The following ARHGAP1 variants were observed in gnomAD, a reference collection of about 807,000 sequenced individuals.
ARHGAP1 encodes the protein rho GTPase-activating protein 1.
ARHGAP1 carries 23 observed loss-of-function variants against 52.2 expected under a neutral mutation model. The observed-to-expected ratio is 0.44, with a 90% CI of 0.32 to 0.62. The LOEUF is 0.62. ARHGAP1 is among the 20% of genes least tolerant of loss of function. ARHGAP1 has a pLI of 0.05. For synonymous variants in ARHGAP1, 210 were observed against 228.4 expected (o/e 0.92, Z 0.73); for missense variants, 480 against 560.9 (o/e 0.86, Z 1.46).
rs2134497944 is a variant in ARHGAP1, at chr11:46,696,441, C to G, written c.-49-285G>C. On this transcript the variant is annotated intron_variant, in intron 1 of 12. Coordinates refer to ENST00000311956, the MANE Select transcript of ARHGAP1 (RefSeq NM_004308.5). The surrounding 1 kb of genome is among the most constrained non-coding windows in gnomAD (Gnocchi z 4.8). The stretch of plus-strand genomic sequence containing the variant: ...GGGAAGAGCTGTGCCAGGTCCTGTG[C>G]CGCCCGCCACCCAGCTGGCTCAGTG... 6.6e-6 allele frequency among the ~76,000 whole-genome samples: 1 copy of G among 152,184 alleles called. No individual in the cohort carries two copies. The highest frequency in any genetic ancestry group is 1.9e-4 in the East Asian group (1 of 5,190).
chr11:46,694,225 GT>G (rs1302090671), intron 3 of ARHGAP1, among the ~76,000 whole-genome samples: 1 of 152,052 alleles, frequency 6.6e-6, no homozygotes, highest in Non-Finnish European at 1.5e-5. Flanking sequence ...GCCTGGGTGT[GT>G]CCCCACACAG....
chr11:46,695,931 C>T (rs745880301), intron 2 of ARHGAP1, 44 bp downstream of exon 2: 2 of 1,613,624 alleles, frequency 1.2e-6, no homozygotes, highest in Non-Finnish European at 1.7e-6. Context: ...AGTGCTTCCC[C>T]CTCTAAAGCG....
At chr11:46,688,133 T>A in intron 4 of ARHGAP1, 40 bp downstream of exon 4, 1 of 1,585,168 alleles carries the variant, frequency 6.3e-7, no homozygotes, top group Non-Finnish European at 8.6e-7. Flanking sequence ...ACAATGGGGA[T>A]CTGGGCAAAG....
chr11:46,692,054 C>T (rs2064618836), intron 3 of ARHGAP1, among the ~76,000 whole-genome samples: 1 of 152,182 alleles, frequency 6.6e-6, no homozygotes, highest in Non-Finnish European at 1.5e-5. Flanking sequence ...TTTTGAAGGA[C>T]CAGGTGGTAC....
intron 1 of ARHGAP1, among the ~76,000 whole-genome samples, chr11:46,698,653 A>C (rs1287400399): frequency 6.6e-6 from 1 of 151,080 alleles, no homozygotes; most frequent in East Asian, 1.9e-4. Context: ...GTGGATGTGA[A>C]GGAGGGAGAA....
Position 46,696,870 on chromosome 11 carries a change from A to C in ARHGAP1, c.-49-714T>G, listed in dbSNP as rs923172433. On this transcript the variant is annotated intron_variant, in intron 1 of 12. Transcript: ENST00000311956. The surrounding 1 kb of genome is among the most constrained non-coding windows in gnomAD (Gnocchi z 4.8). ...AGGCGACAGGGCAAGACTCCATCCCAAAAAAATAAAAATAAAAAAATAAAA... is the reference window on the plus strand; with the variant it reads ...AGGCGACAGGGCAAGACTCCATCCCCAAAAAATAAAAATAAAAAAATAAAA... 2.6e-5 allele frequency among the ~76,000 whole-genome samples: 4 copies of C among 152,166 alleles called. No individual in the cohort carries two copies. Among genetic ancestry groups the C allele is most frequent in the African/African-American group, 7.2e-5 (3 of 41,442 alleles).
At chr11:46,686,186 ATGT>A (rs2064567150) in intron 4 of ARHGAP1, among the ~76,000 whole-genome samples, 1 of 150,834 alleles carries the variant, frequency 6.6e-6, no homozygotes, top group Admixed American at 6.6e-5. Context: ...AGACAGGGTC[ATGT>A]TGGTCAGGCT....
rs748681686 is a variant in ARHGAP1 at position 46,680,983 on chromosome 11, G to A, written c.635+28C>T. 19 of 1,600,992 alleles carry A rather than the reference G, an allele frequency of 1.2e-5. 1 individual carries two copies. The East Asian group carries it at 1.3e-4, about 11-fold the overall frequency. ...CACGTCCTCATTACCCTGGCTTCACGAGCCCCCAGCCGCCGCACCCGCCTC... is the reference window on the plus strand; with the variant it reads ...CACGTCCTCATTACCCTGGCTTCACAAGCCCCCAGCCGCCGCACCCGCCTC... On this transcript the variant is annotated intron_variant, in intron 7 of 12. Coordinates refer to ENST00000311956, the MANE Select transcript of ARHGAP1 (RefSeq NM_004308.5). This position sits in a 1 kb window ranked among gnomAD's most constrained non-coding sequence, Gnocchi z 5.9.
In ARHGAP1 at chr11:46,680,142, AG is replaced by A; in HGVS notation, c.898+62del. The A allele has an allele frequency of 6.6e-7, 1 of 1,507,630 alleles. No individual in the cohort carries two copies. The highest frequency in any genetic ancestry group is 9.2e-7 in the Non-Finnish European group (1 of 1,083,966). The allele number at this position is 1,507,630 out of a possible 1,614,324, so 93.4% of individuals were successfully genotyped here. A position where few individuals can be genotyped will look rare whatever the true frequency, so the allele number is the denominator to read the frequency against. ...GAGACTCTCATTTACAGGGCAGCAG[AG>A]GGCAGAGAAGCCCCCTACCAGTAAC... On this transcript the variant is annotated intron_variant, in intron 10 of 12. Transcript: ENST00000311956. The surrounding 1 kb of genome is among the most constrained non-coding windows in gnomAD (Gnocchi z 5.9).
chr11:46,677,402 T>A lies in ARHGAP1; in HGVS notation c.*1635A>T, dbSNP rs1308137286. 6.5e-6 allele frequency: 1 copy of A among 152,786 alleles called. No individual in the cohort carries two copies. The highest frequency in any genetic ancestry group is 1.5e-5 in the Non-Finnish European group (1 of 68,368). 9.5% of individuals were successfully genotyped at this position (152,786 alleles called of 1,614,324 possible). ...GGGGCTGGATGCACTGCTGATGGTCTTGGGAGAGCCCAGCGAAGTTATGCC... is the reference window on the plus strand; with the variant it reads ...GGGGCTGGATGCACTGCTGATGGTCATGGGAGAGCCCAGCGAAGTTATGCC... On this transcript the variant is annotated 3_prime_UTR_variant, in exon 13 of 13. Coordinates refer to ENST00000311956, the MANE Select transcript of ARHGAP1 (RefSeq NM_004308.5).
In ARHGAP1 at chr11:46,679,013, G is replaced by A; in HGVS notation, c.*24C>T. On this transcript the variant is annotated 3_prime_UTR_variant, in exon 13 of 13. Coordinates refer to ENST00000311956, the MANE Select transcript of ARHGAP1 (RefSeq NM_004308.5). The surrounding 1 kb of genome is among the most constrained non-coding windows in gnomAD (Gnocchi z 4.4). ...GTCCAAACCCGGGCTACCAGAGAAG[G>A]GGCTGGTGGGGCAGGGGCCAGGTTC... 1 of 1,612,748 alleles carries A rather than the reference G, an allele frequency of 6.2e-7. No individual in the cohort carries two copies. Among genetic ancestry groups the A allele is most frequent in the Non-Finnish European group, 8.5e-7 (1 of 1,179,038 alleles).
intron 3 of ARHGAP1, among the ~76,000 whole-genome samples, chr11:46,693,655 T>A (rs2134494331): frequency 6.6e-6 from 1 of 152,188 alleles, no homozygotes; most frequent in South Asian, 2.1e-4. Context: ...CTGGAGTTAA[T>A]CACCAACAGG....
In ARHGAP1 at chr11:46,697,077, T is replaced by C. The variant is rs1176989493; in HGVS notation, c.-49-921A>G. On this transcript the variant is annotated intron_variant, in intron 1 of 12. Coordinates refer to ENST00000311956, the MANE Select transcript of ARHGAP1 (RefSeq NM_004308.5). ...GTGGAAAGGTTGACGGCCCTAAGGA[T>C]TGGAGGGCGCAGATGGGAAAGGGGG... The C allele has an allele frequency of 2.6e-5, 4 of 152,102 alleles. No individual in the cohort carries two copies. In the East Asian group the frequency reaches 5.8e-4, roughly 22 times the overall value. 9.4% of individuals were successfully genotyped at this position (152,102 alleles called of 1,614,324 possible).
chr11:46,686,385 T>G (rs1423690334), intron 4 of ARHGAP1, among the ~76,000 whole-genome samples: 1 of 152,202 alleles, frequency 6.6e-6, no homozygotes, highest in African/African-American at 2.4e-5. Flanking sequence ...AGAGCTGAAG[T>G]TGAATGTGTC....
Position 46,681,018 on chromosome 11 carries a change from C to G in ARHGAP1, c.628G>C (p.Val210Leu). The G allele has an allele frequency of 6.2e-7, 1 of 1,614,072 alleles. No homozygotes were observed. The highest frequency in any genetic ancestry group is 8.5e-7 in the Non-Finnish European group (1 of 1,179,984). The change falls in exon 7 of 13, where the codon GTG (valine) becomes CTG (leucine). Residue 210 changes from valine to leucine, a missense_variant. Val to Leu is a conservative substitution (Grantham distance 32). Coordinates refer to ENST00000311956, the MANE Select transcript of ARHGAP1 (RefSeq NM_004308.5). This position sits in a 1 kb window ranked among gnomAD's most constrained non-coding sequence, Gnocchi z 5.7. ...CCGCCGCACCCGCCTCACTTGAGCA[C>G]TTGGCGAGGGATCCCCAGCTGCTCC... ...KLEQLGIPRQ[V>L]LKYDDFLKST... is the part of the protein sequence containing the mutation.
Position 46,679,015 on chromosome 11 carries a change from G to T in ARHGAP1, c.*22C>A. Reference sequence around the variant, plus strand: ...CCAAACCCGGGCTACCAGAGAAGGGGCTGGTGGGGCAGGGGCCAGGTTCAG... The same window carrying T: ...CCAAACCCGGGCTACCAGAGAAGGGTCTGGTGGGGCAGGGGCCAGGTTCAG... On this transcript the variant is annotated 3_prime_UTR_variant, in exon 13 of 13. Coordinates refer to ENST00000311956, the MANE Select transcript of ARHGAP1 (RefSeq NM_004308.5). The surrounding 1 kb of genome is among the most constrained non-coding windows in gnomAD (Gnocchi z 4.4). The T allele has an allele frequency of 1.2e-6, 2 of 1,613,058 alleles. No individual in the cohort carries two copies. Among genetic ancestry groups the T allele is most frequent in the Non-Finnish European group, 8.5e-7 (1 of 1,179,238 alleles).
At chr11:46,683,404 G>A (rs1373219170) in intron 4 of ARHGAP1, among the ~76,000 whole-genome samples, 3 of 152,016 alleles carry the variant, frequency 2.0e-5, no homozygotes, top group South Asian at 2.1e-4. Context: ...CTCCAGTGCC[G>A]GCGGTAAAAC....
Position 46,681,921 on chromosome 11 carries a change from A to G in ARHGAP1, c.449+130T>C, listed in dbSNP as rs2134479557. The G allele has an allele frequency of 7.7e-7, 1 of 1,302,186 alleles. No homozygotes were observed. Among genetic ancestry groups the G allele is most frequent in the Non-Finnish European group, 1.1e-6 (1 of 951,188 alleles). The allele number at this position is 1,302,186 out of a possible 1,614,324, so 80.7% of individuals were successfully genotyped here. On this transcript the variant is annotated intron_variant, in intron 5 of 12. Transcript: ENST00000311956. This position sits in a 1 kb window ranked among gnomAD's most constrained non-coding sequence, Gnocchi z 5.7. ...GGTGATCTGACTGCAGATTCTTTAC[A>G]TTGACGTAGACGGCAGCCCCCGCCA...
chr11:46,694,173 T>A (rs1026229882), intron 3 of ARHGAP1, among the ~76,000 whole-genome samples: 7 of 152,104 alleles, frequency 4.6e-5, no homozygotes, highest in Non-Finnish European at 1.0e-4. Context: ...CAGAGGCCAT[T>A]GCCCAAGGCC....
Sources: gnomAD v4.1 joint callset for allele counts (sites outside exome capture counted in the v4.1 genomes callset) on GRCh38, gnomAD v4.1.1 for gene constraint, Gnocchi (gnomAD v3.1) non-coding constraint, MANE v1.5 for transcripts, NCBI Gene and HGNC (gene_info 2026-07-23, HGNC 2026-07-21) for gene names.